DENND1A: variants seen among roughly 807,000 people sequenced by gnomAD.
The protein encoded by DENND1A is DENN domain-containing protein 1A.
DENND1A carries 51 observed loss-of-function variants against 113.7 expected under a neutral mutation model. That is an observed-to-expected ratio of 0.45 (90% CI 0.36 to 0.57). DENND1A has a LOEUF of 0.57. Among genes scored for constraint, DENND1A ranks in the 20% least tolerant of loss-of-function variants. DENND1A has a pLI of 0.00. For missense variants in DENND1A, 1,258 were observed against 1,395.9 expected (o/e 0.90, Z 1.57); for synonymous variants, 565 against 570.8 (o/e 0.99, Z 0.14).
At chr9:123,559,439 C>G (rs1230254720) in intron 12 of DENND1A, among the ~76,000 whole-genome samples, 1 of 152,100 alleles carries the variant, frequency 6.6e-6, no homozygotes, top group East Asian at 1.9e-4. Context: ...GTCCATGAAT[C>G]CTTTACAGAT....
At chr9:123,826,473 C>G (rs1839348390) in intron 2 of DENND1A, among the ~76,000 whole-genome samples, 1 of 152,110 alleles carries the variant, frequency 6.6e-6, no homozygotes, top group Non-Finnish European at 1.5e-5. Context: ...CTATAAGCCA[C>G]CATGTTCTCC....
intron 2 of DENND1A, among the ~76,000 whole-genome samples, chr9:123,793,553 T>C (rs1467740725): frequency 2.6e-5 from 4 of 152,216 alleles, no homozygotes; most frequent in Admixed American, 1.3e-4. Flanking sequence ...CAAAGGCTTA[T>C]GGAAAATCAT....
chr9:123,680,997 T>C (rs377115931), intron 5 of DENND1A, among the ~76,000 whole-genome samples: 41 of 151,836 alleles, frequency 2.7e-4, no homozygotes, highest in African/African-American at 7.0e-4. Flanking sequence ...GGTGTTAGAG[T>C]CCAAGTGGGA....
chr9:123,590,102 C>T (rs991585588), intron 11 of DENND1A, among the ~76,000 whole-genome samples: 7 of 152,144 alleles, frequency 4.6e-5, no homozygotes, highest in South Asian at 4.1e-4. Context: ...CTTGCCTGCC[C>T]GTCCCCTCTC....
intron 3 of DENND1A, 30 bp from the exon 4 acceptor site, chr9:123,769,593 A>G (rs1340545929): frequency 6.3e-7 from 1 of 1,580,648 alleles, no homozygotes; most frequent in Admixed American, 1.8e-5. Context: ...TAATTTATAC[A>G]TCTAATGGGA....
chr9:123,823,654 G>A (rs554498695), intron 2 of DENND1A, among the ~76,000 whole-genome samples: 28 of 152,190 alleles, frequency 1.8e-4, no homozygotes, highest in Non-Finnish European at 3.4e-4. Flanking sequence ...AGAATGGACT[G>A]GAATTAGGCA....
At chr9:123,578,842 T>TTG (rs60704272) in intron 12 of DENND1A, among the ~76,000 whole-genome samples, 66,093 of 151,040 alleles carry the variant, frequency 0.44, 14,963 homozygotes, top group African/African-American at 0.56. Flanking sequence ...CAGTGTGTGT[T>TTG]TGTGTGTGTG....
chr9:123,772,275 T>C (rs1829840970), intron 3 of DENND1A, among the ~76,000 whole-genome samples: 1 of 152,184 alleles, frequency 6.6e-6, no homozygotes, highest in African/African-American at 2.4e-5. Context: ...TATTCGAATA[T>C]GAAAAGTACC....
At chr9:123,600,282 T>C (rs955226468) in intron 11 of DENND1A, among the ~76,000 whole-genome samples, 1 of 152,178 alleles carries the variant, frequency 6.6e-6, no homozygotes, top group Non-Finnish European at 1.5e-5. Flanking sequence ...GATAATCACT[T>C]CCATTTATTT....
intron 5 of DENND1A, among the ~76,000 whole-genome samples, chr9:123,748,897 C>T (rs1178884335): frequency 6.6e-6 from 1 of 152,200 alleles, no homozygotes; most frequent in Non-Finnish European, 1.5e-5. Flanking sequence ...GGCTCTATTT[C>T]ACTGGTTTTC....
intron 1 of DENND1A, among the ~76,000 whole-genome samples, chr9:123,903,069 A>C (rs1358070395): frequency 6.6e-6 from 1 of 152,136 alleles, no homozygotes; most frequent in African/African-American, 2.4e-5. Flanking sequence ...GCGGTGGCTC[A>C]CACCTGTAAT....
At chr9:123,563,090 A>T (rs2057854838) in intron 12 of DENND1A, among the ~76,000 whole-genome samples, 1 of 152,180 alleles carries the variant, frequency 6.6e-6, no homozygotes, top group South Asian at 2.1e-4. Context: ...AAAGGATGGG[A>T]AGAGAAAGTG....
At chr9:123,721,023 C>T (rs757842654) in intron 5 of DENND1A, among the ~76,000 whole-genome samples, 12 of 152,166 alleles carry the variant, frequency 7.9e-5, no homozygotes, top group Non-Finnish European at 1.2e-4. Context: ...TGTCTTCAGC[C>T]TTAGAGTGCA....
chr9:123,523,088 A>G (rs951833947), intron 13 of DENND1A, among the ~76,000 whole-genome samples: 2 of 152,234 alleles, frequency 1.3e-5, no homozygotes, highest in Non-Finnish European at 2.9e-5. Context: ...GGAGACCACA[A>G]TTGGTAACAT....
intron 13 of DENND1A, among the ~76,000 whole-genome samples, chr9:123,460,436 A>G (rs2048438289): frequency 6.6e-6 from 1 of 152,198 alleles, no homozygotes; most frequent in African/African-American, 2.4e-5. Flanking sequence ...CTGGCAGCTC[A>G]GACACCTTTC....
intron 13 of DENND1A, among the ~76,000 whole-genome samples, chr9:123,536,528 A>G (rs2055790343): frequency 6.6e-6 from 1 of 152,076 alleles, no homozygotes; most frequent in African/African-American, 2.4e-5. Context: ...CAGTGAGTCA[A>G]TCTGAGAACA....
intron 13 of DENND1A, among the ~76,000 whole-genome samples, chr9:123,532,285 T>G (rs1003948036): frequency 3.9e-5 from 6 of 152,230 alleles, no homozygotes; most frequent in Admixed American, 3.9e-4. Context: ...AAAATTAACA[T>G]TGATACAATA....
chr9:123,508,701 G>T (rs2053185542), intron 13 of DENND1A, among the ~76,000 whole-genome samples: 1 of 152,210 alleles, frequency 6.6e-6, no homozygotes, highest in East Asian at 1.9e-4. Flanking sequence ...TATCAAGGAA[G>T]TGTCAAAGGT....
intron 1 of DENND1A, among the ~76,000 whole-genome samples, chr9:123,924,056 G>C (rs914385226): frequency 6.6e-6 from 1 of 152,180 alleles, no homozygotes; most frequent in Non-Finnish European, 1.5e-5. Flanking sequence ...GTAAAATGTG[G>C]TATGTCCATA....
Sources: gnomAD v4.1 joint callset for allele counts (sites outside exome capture counted in the v4.1 genomes callset) on GRCh38, gnomAD v4.1.1 for gene constraint, MANE v1.5 for transcripts, NCBI Gene and HGNC (gene_info 2026-07-23, HGNC 2026-07-21) for gene names.